The following GRM8 variants were observed in gnomAD, a reference collection of about 807,000 sequenced individuals.
GRM8 encodes the protein metabotropic glutamate receptor 8.
GRM8 carries 47 observed loss-of-function variants against 87.2 expected under a neutral mutation model. The ratio of observed to expected loss-of-function variants is 0.54; its 90% CI spans 0.43 to 0.69. The LOEUF (loss-of-function observed/expected upper bound fraction) is 0.69. GRM8 is among the 30% of genes least tolerant of loss of function. GRM8 has a pLI of 0.00. For synonymous variants in GRM8, 396 were observed against 404.5 expected, an observed-to-expected ratio of 0.98 and a Z score of 0.25; for missense variants, 1,019 against 1,139.2, an observed-to-expected ratio of 0.89 and a Z score of 1.52.
intron 6 of GRM8, among the ~76,000 whole-genome samples, chr7:126,837,397 T>C (rs1041060643): frequency 1.3e-5 from 2 of 152,226 alleles, no homozygotes; most frequent in Non-Finnish European, 2.9e-5. Context: ...AGATGTAGGG[T>C]ACATGCCACT....
chr7:126,968,873 G>GAT (rs1310931318), intron 3 of GRM8, among the ~76,000 whole-genome samples: 2 of 152,124 alleles, frequency 1.3e-5, no homozygotes, highest in East Asian at 3.9e-4. Context: ...TAAATAGCTT[G>GAT]ATTTAGTCAC....
chr7:126,774,238 A>C (rs1284237207), intron 6 of GRM8, among the ~76,000 whole-genome samples: 2 of 152,168 alleles, frequency 1.3e-5, no homozygotes, highest in African/African-American at 2.4e-5. Context: ...TCATGATGAC[A>C]CTTAAGATTT....
At chr7:126,959,434 T>G (rs923532337) in intron 3 of GRM8, among the ~76,000 whole-genome samples, 4 of 152,200 alleles carry the variant, frequency 2.6e-5, no homozygotes, top group African/African-American at 7.2e-5. Context: ...AGACTATTTT[T>G]GATTGCTTAT....
chr7:126,652,685 C>G (rs957675912), intron 7 of GRM8, among the ~76,000 whole-genome samples: 1 of 152,188 alleles, frequency 6.6e-6, no homozygotes, highest in African/African-American at 2.4e-5. Context: ...CCAAGTTCTT[C>G]AGCTTTGGGG....
At chr7:126,642,306 TTTTTATTTCTAATTG>T (rs1802488699) in intron 7 of GRM8, among the ~76,000 whole-genome samples, 1 of 152,168 alleles carries the variant, frequency 6.6e-6, no homozygotes, top group Non-Finnish European at 1.5e-5. Context: ...AGACTTTACA[TTTTTATTTCTAATTG>T]TGATTTAAAA....
intron 2 of GRM8, among the ~76,000 whole-genome samples, chr7:127,109,487 C>T (rs114711564): frequency 5.3e-5 from 8 of 152,294 alleles, no homozygotes; most frequent in South Asian, 2.1e-4. Context: ...AGCATCTGCA[C>T]CCTTCTCCAT....
chr7:126,863,888 A>G (rs1798357757), intron 6 of GRM8, among the ~76,000 whole-genome samples: 1 of 151,502 alleles, frequency 6.6e-6, no homozygotes, highest in African/African-American at 2.4e-5. Flanking sequence ...TATAAATTCT[A>G]TTTTGTCTGA....
At chr7:127,068,253 T>C (rs922224257) in intron 3 of GRM8, among the ~76,000 whole-genome samples, 1 of 152,196 alleles carries the variant, frequency 6.6e-6, no homozygotes, top group Non-Finnish European at 1.5e-5. Context: ...GGGGAACTTG[T>C]AGCCAGCATT....
Position 126,533,080 on chromosome 7 carries a change from T to C in GRM8, c.2302A>G (p.Ile768Val), listed in dbSNP as rs770272411. ...LLMVTCTVYA[I>V]KTRGVPETFN... ...GTCTCTGGGACACCTCTCGTTTTAA[T>C]GGCATAAACAGTACAAGTGACCATC... Residue 768 changes from isoleucine to valine, a missense_variant, in exon 9 of 11, where the codon ATT becomes GTT. Transcript: ENST00000339582. 2 of 1,613,404 alleles carry C rather than the reference T, an allele frequency of 1.2e-6. No individual in the cohort carries two copies. Among genetic ancestry groups the C allele is most frequent in the Admixed American group, 1.7e-5 (1 of 59,898 alleles).
intron 9 of GRM8, among the ~76,000 whole-genome samples, chr7:126,481,060 A>C (rs190494173): frequency 5.6e-4 from 85 of 152,262 alleles, no homozygotes; most frequent in Non-Finnish European, 1.1e-3. Context: ...AAAAAATTTG[A>C]GTGCAAAATA....
chr7:127,244,603 T>C, intron 1 of GRM8, among the ~76,000 whole-genome samples: 1 of 152,184 alleles, frequency 6.6e-6, no homozygotes, highest in South Asian at 2.1e-4. Flanking sequence ...TTCTAACCTA[T>C]TTATATATGG....
chr7:127,170,825 C>T (rs553492571), intron 2 of GRM8, among the ~76,000 whole-genome samples: 46 of 152,208 alleles, frequency 3.0e-4, no homozygotes, highest in African/African-American at 1.0e-3. Context: ...ATACAACGGA[C>T]TTTGGGGACT....
At chr7:126,784,268 A>G (rs1012530666) in intron 6 of GRM8, among the ~76,000 whole-genome samples, 8 of 152,218 alleles carry the variant, frequency 5.3e-5, no homozygotes, top group African/African-American at 1.9e-4. Flanking sequence ...AACAAAAAAA[A>G]ATTGAAAACA....
chr7:127,066,615 T>C (rs1821142146), intron 3 of GRM8, among the ~76,000 whole-genome samples: 1 of 152,182 alleles, frequency 6.6e-6, no homozygotes, highest in Non-Finnish European at 1.5e-5. Flanking sequence ...GTAATTAGCA[T>C]ATTCATCAAC....
chr7:127,108,399 T>C (rs546797105), intron 2 of GRM8, among the ~76,000 whole-genome samples: 39 of 152,270 alleles, frequency 2.6e-4, no homozygotes, highest in African/African-American at 9.4e-4. Flanking sequence ...AAGTCAGCCA[T>C]CTGACTTTCA....
chr7:127,076,345 A>C, intron 3 of GRM8: 1 of 362,310 alleles, frequency 2.8e-6, no homozygotes. Flanking sequence ...TTGAGAGCAC[A>C]GCAAACACTC....
chr7:126,851,051 T>A (rs1337091153), intron 6 of GRM8, among the ~76,000 whole-genome samples: 1 of 152,134 alleles, frequency 6.6e-6, no homozygotes, highest in Non-Finnish European at 1.5e-5. Context: ...ACTGAACATA[T>A]CTGAATCTAG....
intron 7 of GRM8, among the ~76,000 whole-genome samples, chr7:126,648,926 A>G (rs1803479270): frequency 6.6e-6 from 1 of 152,204 alleles, no homozygotes; most frequent in Non-Finnish European, 1.5e-5. Context: ...CAGTGATGAT[A>G]TAATTTGGAG....
intron 6 of GRM8, among the ~76,000 whole-genome samples, chr7:126,853,433 A>C (rs1797399838): frequency 6.6e-6 from 1 of 152,150 alleles, no homozygotes; most frequent in African/African-American, 2.4e-5. Context: ...CTAATGGACA[A>C]GTCTTGCAGA....
Sources: gnomAD v4.1 joint callset for allele counts (sites outside exome capture counted in the v4.1 genomes callset) on GRCh38, gnomAD v4.1.1 for gene constraint, MANE v1.5 for transcripts, NCBI Gene and HGNC (gene_info 2026-07-23, HGNC 2026-07-21) for gene names.